Variants in PPM1G observed in about 807,000 individuals in gnomAD.
PPM1G encodes the protein protein phosphatase 1G.
Under a neutral mutation model 59.4 loss-of-function variants are expected in PPM1G, and 12 were observed. The observed-to-expected ratio is 0.20, with a 90% CI of 0.13 to 0.33. PPM1G has a LOEUF of 0.33. Ranked by LOEUF, PPM1G falls within the 10% of genes least tolerant of loss-of-function variation. PPM1G has a pLI of 1.00. For missense variants in PPM1G, 392 were observed against 681.3 expected (o/e 0.58, Z 4.73); for synonymous variants, 245 against 251.9 (o/e 0.97, Z 0.26).
chr2:27,386,087 A>G lies in PPM1G; in HGVS notation c.276+107T>C, dbSNP rs544568496. The G allele has an allele frequency of 6.3e-6, 8 of 1,265,152 alleles. No individual in the cohort carries two copies. The South Asian group carries it at 1.0e-4, about 17-fold the overall frequency. 78.4% of individuals were successfully genotyped at this position (1,265,152 alleles called of 1,614,324 possible). On this transcript the variant is annotated intron_variant, in intron 3 of 9. Transcript: ENST00000344034. Reference sequence around the variant, plus strand: ...TTTAGGAACAGAATTCTTCAAGAGTAAATAAGCAGCAGCAGCTAGAGGACA... The same window carrying G: ...TTTAGGAACAGAATTCTTCAAGAGTGAATAAGCAGCAGCAGCTAGAGGACA...
chr2:27,407,216 G>C (rs1400935081), intron 1 of PPM1G, among the ~76,000 whole-genome samples: 1 of 146,912 alleles, frequency 6.8e-6, no homozygotes, highest in East Asian at 2.1e-4. Context: ...TCCGCCCGCC[G>C]CAGCCTCCCA....
At chr2:27,392,601 AT>A (rs1159441726) in intron 1 of PPM1G, among the ~76,000 whole-genome samples, 682 of 46,848 alleles carry the variant, frequency 0.015, 8 homozygotes, top group African/African-American at 0.054. Flanking sequence ...CCCACAGTAC[AT>A]TTTTTTTTTG....
chr2:27,400,969 GA>G (rs1684166421), intron 1 of PPM1G, among the ~76,000 whole-genome samples: 1 of 152,184 alleles, frequency 6.6e-6, no homozygotes, highest in Admixed American at 6.5e-5. Context: ...AAAAGCCACA[GA>G]AAAGTCTAAA....
chr2:27,387,837 C>T (rs1209590425), intron 1 of PPM1G, among the ~76,000 whole-genome samples: 2 of 152,032 alleles, frequency 1.3e-5, no homozygotes, highest in Admixed American at 6.6e-5. Flanking sequence ...CTCGCTCTGT[C>T]GCCCAGCCTG....
Position 27,409,446 on chromosome 2 carries a change from A to C in PPM1G, c.-24T>G. On this transcript the variant is annotated 5_prime_UTR_variant, in exon 1 of 10. Coordinates refer to ENST00000344034, the MANE Select transcript of PPM1G (RefSeq NM_177983.3). ...ATGGCGGCGGCTGGCCGGCGGCCTC[A>C]GGTGCAGGAAAGCTGGGCGCGACCC... 1 of 1,490,204 alleles carries C rather than the reference A, an allele frequency of 6.7e-7. No individual in the cohort carries two copies. The highest frequency in any genetic ancestry group is 8.9e-7 in the Non-Finnish European group (1 of 1,121,416). 92.3% of individuals were successfully genotyped at this position (1,490,204 alleles called of 1,614,324 possible). A position where few individuals can be genotyped will look rare whatever the true frequency, so the allele number is the denominator to read the frequency against.
At chr2:27,390,428 C>T (rs1408430475) in intron 1 of PPM1G, among the ~76,000 whole-genome samples, 1 of 152,146 alleles carries the variant, frequency 6.6e-6, no homozygotes, top group Non-Finnish European at 1.5e-5. Context: ...ATAACCTTAA[C>T]AGCAATCCAA....
intron 1 of PPM1G, among the ~76,000 whole-genome samples, chr2:27,397,079 G>A (rs1350305506): frequency 3.3e-5 from 5 of 151,982 alleles, no homozygotes; most frequent in African/African-American, 1.2e-4. Context: ...ACGTTGCTCA[G>A]GCTGGTCTCA....
At chr2:27,387,804 A>AT (rs1316818026) in intron 1 of PPM1G, among the ~76,000 whole-genome samples, 22 of 150,396 alleles carry the variant, frequency 1.5e-4, no homozygotes, top group African/African-American at 4.4e-4. Context: ...TTATTTATTT[A>AT]TTATTATTTT....
rs1348975121 is a variant in PPM1G at position 27,382,617 on chromosome 2, G to A, written c.1202-12C>T. ...ATAGAAGTGGTCCCCTGGAGTAAAGGAATGGTTGATGAGCAGTTTGGATAC... is the reference window on the plus strand; with the variant it reads ...ATAGAAGTGGTCCCCTGGAGTAAAGAAATGGTTGATGAGCAGTTTGGATAC... On this transcript the variant is annotated splice_polypyrimidine_tract_variant and intron_variant, in intron 7 of 9. Transcript: ENST00000344034. This position sits in a 1 kb window ranked among gnomAD's most constrained non-coding sequence, Gnocchi z 4.2. 6.2e-7 allele frequency: 1 copy of A among 1,613,964 alleles called. No homozygotes were observed. Among genetic ancestry groups the A allele is most frequent in the Non-Finnish European group, 8.5e-7 (1 of 1,179,972 alleles).
chr2:27,402,764 G>A lies in PPM1G; in HGVS notation c.120+6539C>T, dbSNP rs546334556. On this transcript the variant is annotated intron_variant, in intron 1 of 9. Coordinates refer to ENST00000344034, the MANE Select transcript of PPM1G (RefSeq NM_177983.3). ...CGGAGCTTGCAGTAGCTGAGACCGCGCAACTGCACTCCAGCCTGGGTGACA... is the reference window on the plus strand; with the variant it reads ...CGGAGCTTGCAGTAGCTGAGACCGCACAACTGCACTCCAGCCTGGGTGACA... 2.6e-5 allele frequency among the ~76,000 whole-genome samples: 4 copies of A among 151,278 alleles called. No individual in the cohort carries two copies. The East Asian group carries it at 5.9e-4, about 22-fold the overall frequency.
Position 27,381,563 on chromosome 2 carries a change from G to A in PPM1G, c.*36C>T, listed in dbSNP as rs1045325. 64 of 1,612,732 alleles carry A rather than the reference G, an allele frequency of 4.0e-5. No individual in the cohort carries two copies. In the East Asian group the frequency reaches 4.9e-4, roughly 12 times the overall value. On this transcript the variant is annotated 3_prime_UTR_variant, in exon 10 of 10. Coordinates refer to ENST00000344034, the MANE Select transcript of PPM1G (RefSeq NM_177983.3). Reference sequence around the variant, plus strand: ...CTCAGTCTCAGGTCCGGAGGGCTCAGAAAACAGTCTAGGTGGGCAGGGGTC... The same window carrying A: ...CTCAGTCTCAGGTCCGGAGGGCTCAAAAAACAGTCTAGGTGGGCAGGGGTC...
At chr2:27,396,269 C>A (rs542391353) in intron 1 of PPM1G, among the ~76,000 whole-genome samples, 4 of 152,174 alleles carry the variant, frequency 2.6e-5, no homozygotes, top group African/African-American at 9.6e-5. Context: ...AGGACTCCGT[C>A]TCAAAAAAAT....
Position 27,382,030 on chromosome 2 carries a change from T to C in PPM1G, c.1434+96A>G. 1 of 1,263,938 alleles carries C rather than the reference T, an allele frequency of 7.9e-7. No individual in the cohort carries two copies. The highest frequency in any genetic ancestry group is 2.3e-5 in the East Asian group (1 of 43,072). The allele number at this position is 1,263,938 out of a possible 1,614,324, so 78.3% of individuals were successfully genotyped here. On this transcript the variant is annotated intron_variant, in intron 9 of 9. Coordinates refer to ENST00000344034, the MANE Select transcript of PPM1G (RefSeq NM_177983.3). This position sits in a 1 kb window ranked among gnomAD's most constrained non-coding sequence, Gnocchi z 4.2. The stretch of plus-strand genomic sequence containing the variant: ...GGGTTTAGCGTCTGTCAGCAATTAC[T>C]GATAATGCTCCCAGATTGCCGACTT...
At position 27,382,281 on chromosome 2, in the gene PPM1G, A is replaced by G. The variant is rs973559939; in HGVS notation, c.1332-53T>C. On this transcript the variant is annotated intron_variant, in intron 8 of 9. Transcript: ENST00000344034. The surrounding 1 kb of genome is among the most constrained non-coding windows in gnomAD (Gnocchi z 4.2). ...TTCCAGTCTCACTAAGGCAGCGTAGAGGAGTATGGACAGAGGTGGTGGCCC... is the reference window on the plus strand; with the variant it reads ...TTCCAGTCTCACTAAGGCAGCGTAGGGGAGTATGGACAGAGGTGGTGGCCC... 4 of 1,587,564 alleles carry G rather than the reference A, an allele frequency of 2.5e-6. No homozygotes were observed. The highest frequency in any genetic ancestry group is 2.6e-6 in the Non-Finnish European group (3 of 1,156,292).
In PPM1G at chr2:27,383,529, T is replaced by C; in HGVS notation, c.1038A>G (p.Ala346=). 6.2e-7 allele frequency: 1 copy of C among 1,614,186 alleles called. No individual in the cohort carries two copies. The highest frequency in any genetic ancestry group is 8.5e-7 in the Non-Finnish European group (1 of 1,180,032). The change falls in exon 7 of 10, where the codon GCA becomes GCG. Residue 346 remains alanine (A), a synonymous_variant. Coordinates refer to ENST00000344034, the MANE Select transcript of PPM1G (RefSeq NM_177983.3). The surrounding 1 kb of genome is among the most constrained non-coding windows in gnomAD (Gnocchi z 5.0). ...CAGATACCACACAGCGAGAGTCTCC[T>C]GCGTTGGCTACAATCAACTGCTTCC... The part of the protein sequence containing the change: ...IRGKQLIVAN[A]GDSRCVVSEA...
At chr2:27,399,950 C>CAAAAAAAAAAAAAAAAAAAAAAAAA (rs56786173) in intron 1 of PPM1G, among the ~76,000 whole-genome samples, 1 of 107,142 alleles carries the variant, frequency 9.3e-6, no homozygotes, top group Admixed American at 9.3e-5. Context: ...TTTATAATAG[C>CAAAAAAAAAAAAAAAAAAAAAAAAA]AAAAAAAAAA....
chr2:27,382,500 A>T lies in PPM1G; in HGVS notation c.1307T>A (p.Met436Lys). 1 of 1,614,210 alleles carries T rather than the reference A, an allele frequency of 6.2e-7. No individual in the cohort carries two copies. The highest frequency in any genetic ancestry group is 8.5e-7 in the Non-Finnish European group (1 of 1,180,028). The change falls in exon 8 of 10, where the codon ATG (methionine) becomes AAG (lysine). Residue 436 changes from methionine (M) to lysine (K), a missense_variant. This residue lies in a region of PPM1G where 53 missense variants were observed against 175.4 expected (regional missense o/e 0.30). Coordinates refer to ENST00000344034, the MANE Select transcript of PPM1G (RefSeq NM_177983.3). The surrounding 1 kb of genome is among the most constrained non-coding windows in gnomAD (Gnocchi z 4.2). Reference protein sequence around the residue: ...VLTLTDDHEFMVIACDGIWNV... With the variant: ...VLTLTDDHEFKVIACDGIWNV... ...CCAGATGCCATCACAGGCAATGACC[A>T]TGAATTCATGGTCGTCAGTGAGAGT...
rs1683776071 is a variant in PPM1G at position 27,386,818 on chromosome 2, G to C, written c.190+271C>G. 6.3e-5 allele frequency: 17 copies of C among 267,944 alleles called. No homozygotes were observed. In the South Asian group the frequency reaches 8.2e-4, roughly 13 times the overall value. The allele number at this position is 267,944 out of a possible 1,614,324, so 16.6% of individuals were successfully genotyped here. On this transcript the variant is annotated intron_variant, in intron 2 of 9. Coordinates refer to ENST00000344034, the MANE Select transcript of PPM1G (RefSeq NM_177983.3). The stretch of plus-strand genomic sequence containing the variant: ...TCCACTGTGCCGGGATTACAGGTGT[G>C]ACCTACCGCGTGCCCAGCCTAAAAA...
Position 27,385,975 on chromosome 2 carries a change from C to T in PPM1G, c.277-96G>A. The T allele has an allele frequency of 2.1e-6, 3 of 1,422,224 alleles. No individual in the cohort carries two copies. The highest frequency in any genetic ancestry group is 2.8e-6 in the Non-Finnish European group (3 of 1,053,840). The allele number at this position is 1,422,224 out of a possible 1,614,324, so 88.1% of individuals were successfully genotyped here. On this transcript the variant is annotated intron_variant, in intron 3 of 9. Transcript: ENST00000344034. This position sits in a 1 kb window ranked among gnomAD's most constrained non-coding sequence, Gnocchi z 4.1. ...TGGAATACAAATTAAGAGTGTGAGC[C>T]ACCACACTAAGAGACACTCACAGAT... is the stretch of plus-strand genomic sequence containing the variant.
Sources: allele counts gnomAD v4.1 joint callset (sites outside exome capture counted in the v4.1 genomes callset), GRCh38; gene constraint gnomAD v4.1.1; regional missense constraint gnomAD v4.1.1; non-coding constraint Gnocchi (gnomAD v3.1); transcripts MANE v1.5; gene names NCBI Gene and HGNC (gene_info 2026-07-23, HGNC 2026-07-21).